Variants in PCDH9 observed in about 807,000 individuals in gnomAD.
The protein encoded by PCDH9 is protocadherin-9.
Under a neutral mutation model 70.6 loss-of-function variants are expected in PCDH9, and 24 were observed. The observed-to-expected ratio is 0.34, with a 90% CI of 0.25 to 0.48. The LOEUF is 0.48. PCDH9 is among the 20% of genes least tolerant of loss of function. The probability of loss-of-function intolerance (pLI) is 0.99; values close to 1 mark genes in which losing one functional copy is unlikely to be tolerated. For synonymous variants in PCDH9, 562 were observed against 558.5 expected, an observed-to-expected ratio of 1.01 and a Z score of -0.09; for missense variants, 1,281 against 1,503.6, an observed-to-expected ratio of 0.85 and a Z score of 2.45.
intron 3 of PCDH9, among the ~76,000 whole-genome samples, chr13:66,742,752 A>C (rs2079287475): frequency 6.8e-6 from 1 of 147,754 alleles, no homozygotes; most frequent in Non-Finnish European, 1.5e-5. Flanking sequence ...AATGCTCATC[A>C]TCACTGGCCA....
At chr13:66,408,020 A>G (rs1397816788) in intron 4 of PCDH9, among the ~76,000 whole-genome samples, 1 of 152,058 alleles carries the variant, frequency 6.6e-6, no homozygotes, top group African/African-American at 2.4e-5. Flanking sequence ...AATATCCTCA[A>G]TAGAAACAAA....
intron 4 of PCDH9, among the ~76,000 whole-genome samples, chr13:66,548,166 C>CCTCAT (rs879259427): frequency 6.6e-6 from 1 of 151,820 alleles, no homozygotes; most frequent in Non-Finnish European, 1.5e-5. Flanking sequence ...TTAAATTTTG[C>CCTCAT]AATATTAGAG....
intron 2 of PCDH9, among the ~76,000 whole-genome samples, chr13:67,134,293 T>C (rs549382201): frequency 1.3e-5 from 2 of 152,238 alleles, no homozygotes; most frequent in South Asian, 4.1e-4. Flanking sequence ...TTTTTAGATA[T>C]AGGTCATTTC....
At chr13:67,140,222 G>T (rs1324366819) in intron 2 of PCDH9, among the ~76,000 whole-genome samples, 1 of 152,020 alleles carries the variant, frequency 6.6e-6, no homozygotes, top group Non-Finnish European at 1.5e-5. Context: ...CAAAGTGTCT[G>T]GCTCACATTG....
intron 2 of PCDH9, chr13:67,222,893 T>C (rs1016065303): frequency 3.9e-5 from 6 of 152,190 alleles, no homozygotes; most frequent in South Asian, 2.1e-4. Flanking sequence ...ATATTTGATG[T>C]CGTTCATTCA....
At chr13:66,460,339 A>G (rs1160657081) in intron 4 of PCDH9, among the ~76,000 whole-genome samples, 2 of 151,914 alleles carry the variant, frequency 1.3e-5, no homozygotes, top group African/African-American at 4.8e-5. Context: ...TTTATCAGCC[A>G]GAAGTAACTT....
chr13:67,060,170 T>G (rs1469738953), intron 2 of PCDH9, among the ~76,000 whole-genome samples: 1 of 152,054 alleles, frequency 6.6e-6, no homozygotes, highest in Non-Finnish European at 1.5e-5. Context: ...TGAGGTCAGG[T>G]AGATAAAGTG....
intron 4 of PCDH9, among the ~76,000 whole-genome samples, chr13:66,596,308 TC>T (rs1294562450): frequency 6.6e-6 from 1 of 151,722 alleles, no homozygotes; most frequent in Non-Finnish European, 1.5e-5. Context: ...AACAAATGAT[TC>T]TTTAATGAAT....
At chr13:66,326,157 C>A (rs902758926) in intron 4 of PCDH9, among the ~76,000 whole-genome samples, 2 of 151,986 alleles carry the variant, frequency 1.3e-5, no homozygotes, top group African/African-American at 4.8e-5. Flanking sequence ...CCTCCTGTAC[C>A]ATCTTGATTA....
chr13:66,664,334 G>T (rs2139023769), intron 3 of PCDH9, among the ~76,000 whole-genome samples: 1 of 152,280 alleles, frequency 6.6e-6, no homozygotes, highest in South Asian at 2.1e-4. Context: ...CAGGTTAAGA[G>T]AGGATTAATA....
rs188471103 is a variant in PCDH9 at position 66,940,416 on chromosome 13, C to T, written c.3037-36811G>A. 4.6e-5 allele frequency among the ~76,000 whole-genome samples: 7 copies of T among 151,954 alleles called. No individual in the cohort carries two copies. The East Asian group carries it at 1.2e-3, about 25-fold the overall frequency. ...GTAATTTTTTCAGAGAACCAGTAAGCGTTTTCTGTGTTTATAGAGAGCAAT... is the reference window on the plus strand; with the variant it reads ...GTAATTTTTTCAGAGAACCAGTAAGTGTTTTCTGTGTTTATAGAGAGCAAT... On this transcript the variant is annotated intron_variant, in intron 2 of 4. Transcript: ENST00000377865.
chr13:67,225,099 T>A (rs2089822900), intron 2 of PCDH9: 3 of 1,242,382 alleles, frequency 2.4e-6, no homozygotes, highest in Non-Finnish European at 3.0e-6. Flanking sequence ...ATTTGGCATA[T>A]CAGGACAGGT....
At chr13:66,642,579 G>C (rs2077722896) in intron 3 of PCDH9, among the ~76,000 whole-genome samples, 1 of 151,940 alleles carries the variant, frequency 6.6e-6, no homozygotes, top group African/African-American at 2.4e-5. Flanking sequence ...GTTTTGAATT[G>C]TTTTGAAACC....
intron 4 of PCDH9, among the ~76,000 whole-genome samples, chr13:66,529,710 C>A (rs1437026602): frequency 1.3e-5 from 2 of 151,822 alleles, no homozygotes; most frequent in Non-Finnish European, 2.9e-5. Flanking sequence ...TTGCCTCTTG[C>A]TTCTTATATC....
chr13:66,734,588 C>T (rs904275368), intron 3 of PCDH9, among the ~76,000 whole-genome samples: 12 of 152,168 alleles, frequency 7.9e-5, no homozygotes, highest in African/African-American at 2.9e-4. Context: ...AAGTGTCAAG[C>T]TTCCAGCACA....
At chr13:66,838,407 GA>G (rs1162762288) in intron 3 of PCDH9, among the ~76,000 whole-genome samples, 2 of 151,584 alleles carry the variant, frequency 1.3e-5, no homozygotes, top group African/African-American at 2.4e-5. Flanking sequence ...CAGTTATTTG[GA>G]AAAAAATAAG....
chr13:66,903,760 C>G (rs951246285), intron 2 of PCDH9, among the ~76,000 whole-genome samples, 155 bp from the exon 3 acceptor site: 1 of 151,730 alleles, frequency 6.6e-6, no homozygotes, highest in Admixed American at 6.6e-5. Context: ...TGAGTCTTTA[C>G]CATAAAGATT....
intron 3 of PCDH9, among the ~76,000 whole-genome samples, chr13:66,747,740 T>C (rs1017530647): frequency 3.3e-5 from 5 of 152,186 alleles, no homozygotes; most frequent in African/African-American, 1.2e-4. Context: ...CTAAGATTAA[T>C]ACACACACAT....
At chr13:66,616,354 G>A (rs1420832631) in intron 4 of PCDH9, among the ~76,000 whole-genome samples, 1 of 150,864 alleles carries the variant, frequency 6.6e-6, no homozygotes, top group East Asian at 1.9e-4. Context: ...ATCAGGCCAA[G>A]TATAAGTCTA....
Sources: allele counts gnomAD v4.1 joint callset (sites outside exome capture counted in the v4.1 genomes callset), GRCh38; gene constraint gnomAD v4.1.1; transcripts MANE v1.5; gene names NCBI Gene and HGNC (gene_info 2026-07-23, HGNC 2026-07-21).